The following WSCD1 variants were observed in gnomAD, a reference collection of about 807,000 sequenced individuals.
WSCD1 encodes sialate:O-sulfotransferase 1.
In WSCD1, 41 loss-of-function variants were observed where a neutral mutation model predicts 60.4. The ratio of observed to expected loss-of-function variants is 0.68; its 90% CI spans 0.53 to 0.88. WSCD1 has a LOEUF of 0.88. Among genes scored for constraint, WSCD1 ranks in the 40% least tolerant of loss-of-function variants. WSCD1 has a pLI of 0.00. For missense variants in WSCD1, 784 were observed against 796.2 expected (o/e 0.98, Z 0.18); for synonymous variants, 361 against 332.5 (o/e 1.09, Z -0.93).
intron 7 of WSCD1, among the ~76,000 whole-genome samples, chr17:6,111,332 G>T (rs1389143558): frequency 6.6e-6 from 1 of 152,080 alleles, no homozygotes; most frequent in Non-Finnish European, 1.5e-5. Context: ...TCCTATGAAA[G>T]CTGCTCCATA....
intron 5 of WSCD1, among the ~76,000 whole-genome samples, chr17:6,103,647 A>G (rs907371597): frequency 2.0e-5 from 3 of 152,178 alleles, no homozygotes; most frequent in African/African-American, 7.2e-5. Context: ...TCTCATATGC[A>G]TAGAGTGGAT....
chr17:6,088,025 G>A lies in WSCD1; in HGVS notation c.463G>A (p.Glu155Lys), dbSNP rs766551088. ...TGGATGCTTCAGTGACGATGGCCAC[G>A]AGAGGACTCTGAAAGGAGCTGTGTT... is the stretch of plus-strand genomic sequence containing the variant. ...YIGCFSDDGH[E>K]RTLKGAVFYD... The change falls in exon 3 of 9, where the codon GAG (glutamate) becomes AAG (lysine). Residue 155 changes from glutamate (E) to lysine (K), a missense_variant. Glu to Lys is a moderately conservative substitution (Grantham distance 56). Transcript: ENST00000317744. 28 of 1,614,162 alleles carry A rather than the reference G, an allele frequency of 1.7e-5. No individual in the cohort carries two copies. In the East Asian group the frequency reaches 6.2e-4, roughly 36 times the overall value.
chr17:6,109,555 C>A, intron 5 of WSCD1, 52 bp from the exon 6 acceptor site: 1 of 1,591,002 alleles, frequency 6.3e-7, no homozygotes, highest in Non-Finnish European at 8.6e-7. Flanking sequence ...CCCTGGGAAG[C>A]ATGACCCTCA....
At chr17:6,119,753 T>C (rs542616579) in intron 8 of WSCD1, among the ~76,000 whole-genome samples, 56 of 152,118 alleles carry the variant, frequency 3.7e-4, no homozygotes, top group Non-Finnish European at 7.6e-4. Context: ...CTAGGGTCAT[T>C]GTGAAGATTA....
intron 5 of WSCD1, among the ~76,000 whole-genome samples, chr17:6,103,570 T>C (rs1367569643): frequency 3.3e-5 from 5 of 152,136 alleles, no homozygotes; most frequent in African/African-American, 1.2e-4. Flanking sequence ...CCTGGAGACA[T>C]CCCACATCCC....
At position 6,076,068 on chromosome 17, in the gene WSCD1, C is replaced by T. The variant is rs1359630387; in HGVS notation, c.-288-4303C>T. Among the ~76,000 whole-genome samples the T allele has an allele frequency of 3.3e-5, 5 of 152,158 alleles. No individual in the cohort carries two copies. In the East Asian group the frequency reaches 9.6e-4, roughly 29 times the overall value. ...CTCCTCTCAAGAATAAATCTTGCCT[C>T]GTGTGAAACCGGAGCTGGGATGGGG... On this transcript the variant is annotated intron_variant, in intron 1 of 8. Transcript: ENST00000317744.
chr17:6,115,191 G>A (rs956545927), intron 7 of WSCD1, among the ~76,000 whole-genome samples: 4 of 152,144 alleles, frequency 2.6e-5, no homozygotes, highest in Admixed American at 6.5e-5. Context: ...CACTTAGAGC[G>A]GAACTTCATG....
Position 6,118,086 on chromosome 17 carries a change from A to G in WSCD1, c.1273A>G (p.Ile425Val), listed in dbSNP as rs774168399. The G allele has an allele frequency of 1.1e-5, 18 of 1,614,216 alleles. No homozygotes were observed. The highest frequency in any genetic ancestry group is 1.4e-5 in the Non-Finnish European group (17 of 1,180,042). The change falls in exon 8 of 9, where the codon ATC becomes GTC. Residue 425 changes from isoleucine to valine, a missense_variant. By Grantham distance (29) the Ile-to-Val change is conservative. Coordinates refer to ENST00000317744, the MANE Select transcript of WSCD1 (RefSeq NM_015253.2). This position sits in a 1 kb window ranked among gnomAD's most constrained non-coding sequence, Gnocchi z 5.8. ...RREIEMFDSA[I>V]LLIRNPYRSL... ...GGAGATTGAGATGTTTGATTCAGCC[A>G]TCCTGCTAATCCGGAACCCATACAG...
intron 8 of WSCD1, 106 bp from the exon 9 acceptor site, chr17:6,120,203 A>G: frequency 1.7e-6 from 2 of 1,196,826 alleles, no homozygotes; most frequent in Non-Finnish European, 2.4e-6. Context: ...TAGGCAGTGG[A>G]CAGTGGAAAA....
Position 6,090,333 on chromosome 17 carries a change from C to T in WSCD1, c.555C>T (p.Tyr185=), listed in dbSNP as rs148605637. The change falls in exon 4 of 9, where the codon TAC becomes TAT. Residue 185 remains tyrosine, a synonymous_variant. Coordinates refer to ENST00000317744, the MANE Select transcript of WSCD1 (RefSeq NM_015253.2). Reference sequence around the variant, plus strand: ...CTCCTCCCTGCAGGTCCTATGTCTACGCCGGCTTGGAGGCCGGGGCGGAGT... The same window carrying T: ...CTCCTCCCTGCAGGTCCTATGTCTATGCCGGCTTGGAGGCCGGGGCGGAGT... ...QDACAERSYV[Y]AGLEAGAECY... The T allele has an allele frequency of 1.5e-4, 245 of 1,602,742 alleles. No homozygotes were observed. Among genetic ancestry groups the T allele is most frequent in the Non-Finnish European group, 2.0e-4 (232 of 1,175,404 alleles).
At chr17:6,076,300 A>G (rs1410858852) in intron 1 of WSCD1, among the ~76,000 whole-genome samples, 1 of 152,224 alleles carries the variant, frequency 6.6e-6, no homozygotes, top group African/African-American at 2.4e-5. Context: ...TGCACAGCCC[A>G]GTTCAACCTA....
intron 2 of WSCD1, among the ~76,000 whole-genome samples, chr17:6,081,300 G>A (rs548652874): frequency 6.6e-6 from 1 of 152,288 alleles, no homozygotes; most frequent in South Asian, 2.1e-4. Flanking sequence ...AGGCTGAGAT[G>A]TTGTGAGCAG....
At chr17:6,093,518 C>G (rs1321064002) in intron 4 of WSCD1, among the ~76,000 whole-genome samples, 3 of 152,180 alleles carry the variant, frequency 2.0e-5, no homozygotes, top group African/African-American at 4.8e-5. Context: ...CCTGATGACT[C>G]TCCCCATTGT....
chr17:6,088,949 AT>A (rs1461478584), intron 3 of WSCD1, among the ~76,000 whole-genome samples: 1 of 150,994 alleles, frequency 6.6e-6, no homozygotes, highest in Non-Finnish European at 1.5e-5. Flanking sequence ...CGCCCGGCTA[AT>A]TTTTTGTATT....
rs183483175 is a variant in WSCD1, at chr17:6,122,841, G to C, written c.*2180G>C. On this transcript the variant is annotated 3_prime_UTR_variant, in exon 9 of 9. Coordinates refer to ENST00000317744, the MANE Select transcript of WSCD1 (RefSeq NM_015253.2). ...GTAGATGACTCTGTACCTCAGTGAA[G>C]AGTGCAGGCAAGTAGAGTGATGGGG... is the stretch of plus-strand genomic sequence containing the variant. 3 of 152,402 alleles carry C rather than the reference G, an allele frequency of 2.0e-5. No individual in the cohort carries two copies. The East Asian group carries it at 5.8e-4, about 29-fold the overall frequency. The allele number at this position is 152,402 out of a possible 1,614,324, so 9.4% of individuals were successfully genotyped here.
At chr17:6,093,116 G>A (rs1442357202) in intron 4 of WSCD1, among the ~76,000 whole-genome samples, 1 of 152,220 alleles carries the variant, frequency 6.6e-6, no homozygotes, top group South Asian at 2.1e-4. Flanking sequence ...CCTTGGAGGC[G>A]TCATTCTGCC....
intron 1 of WSCD1, among the ~76,000 whole-genome samples, chr17:6,071,840 A>T (rs369988256): frequency 6.6e-6 from 1 of 152,142 alleles, no homozygotes; most frequent in African/African-American, 2.4e-5. Context: ...TGTCTCTCTC[A>T]ATCATGCCCC....
At chr17:6,116,259 G>A (rs1468157671) in intron 7 of WSCD1, among the ~76,000 whole-genome samples, 1 of 152,172 alleles carries the variant, frequency 6.6e-6, no homozygotes, top group Non-Finnish European at 1.5e-5. Flanking sequence ...CATATGGTAA[G>A]CGGCCCAATG....
intron 5 of WSCD1, 92 bp downstream of exon 5, chr17:6,095,315 C>T: frequency 1.4e-6 from 2 of 1,449,916 alleles, no homozygotes; most frequent in Non-Finnish European, 1.8e-6. Flanking sequence ...TGCGGGTGTC[C>T]CCTCTGGCAG....
Sources: allele counts gnomAD v4.1 joint callset (sites outside exome capture counted in the v4.1 genomes callset), GRCh38; gene constraint gnomAD v4.1.1; non-coding constraint Gnocchi (gnomAD v3.1); transcripts MANE v1.5; gene names NCBI Gene and HGNC (gene_info 2026-07-23, HGNC 2026-07-21).